Variants in LRBA observed in about 807,000 individuals in gnomAD.
LRBA encodes the protein LPS responsive beige-like anchor protein.
Under a neutral mutation model 330.0 loss-of-function variants are expected in LRBA, and 176 were observed. That is an observed-to-expected ratio of 0.53 (90% CI 0.47 to 0.60). The LOEUF is 0.60. LRBA is among the 20% of genes least tolerant of loss of function. LRBA has a pLI of 0.00. For synonymous variants in LRBA, 1,230 were observed against 1,193.0 expected (o/e 1.03, Z -0.64); for missense variants, 3,259 against 3,444.8 (o/e 0.95, Z 1.35).
chr4:150,848,986 T>A lies in LRBA; in HGVS notation c.4171A>T (p.Asn1391Tyr), dbSNP rs199910629. Residue 1391 changes from asparagine (N) to tyrosine (Y), a missense_variant, in exon 26 of 57, where the codon AAT (asparagine) becomes TAT (tyrosine). Asn to Tyr is a moderately radical substitution (Grantham distance 143). Transcript: ENST00000651943. The part of the protein sequence containing the change: ...AATSATHELE[N>Y]IEPTQGLSIE... ...GAAAGGCCTTGAGTAGGTTCAATATTTTCCAGTTCATGCTGTAAAGAATAA... is the reference window on the plus strand; with the variant it reads ...GAAAGGCCTTGAGTAGGTTCAATATATTCCAGTTCATGCTGTAAAGAATAA... 5.7e-5 allele frequency: 91 copies of A among 1,592,404 alleles called. No individual in the cohort carries two copies. The African/African-American group carries it at 1.2e-3, about 20-fold the overall frequency.
At chr4:150,349,713 A>G (rs1736882758) in intron 48 of LRBA, among the ~76,000 whole-genome samples, 1 of 152,100 alleles carries the variant, frequency 6.6e-6, no homozygotes, top group South Asian at 2.1e-4. Context: ...ATCATGAGTA[A>G]CCCCCAAAGT....
rs776321676 is a variant in LRBA at position 150,597,056 on chromosome 4, T to G, written c.6046+1951A>C. The G allele has an allele frequency of 2.5e-6, 3 of 1,187,502 alleles. No individual in the cohort carries two copies. The African/African-American group carries it at 4.7e-5, about 18-fold the overall frequency. 73.6% of individuals were successfully genotyped at this position (1,187,502 alleles called of 1,614,324 possible). ...TGGAGTATGACAATAATCATAAAAT[T>G]ACTATAAAATATTACTCAATGCTTA... On this transcript the variant is annotated intron_variant, in intron 38 of 56. Transcript: ENST00000651943.
chr4:150,841,603 G>A (rs1294866213), intron 28 of LRBA, among the ~76,000 whole-genome samples: 2 of 151,736 alleles, frequency 1.3e-5, no homozygotes, highest in African/African-American at 2.4e-5. Flanking sequence ...ATTTATTTAT[G>A]TCGTCGATCT....
chr4:150,796,547 T>C (rs1263411926), intron 34 of LRBA, among the ~76,000 whole-genome samples: 1 of 152,006 alleles, frequency 6.6e-6, no homozygotes, highest in Admixed American at 6.6e-5. Flanking sequence ...ATGATCTTCA[T>C]ATCCCATTTG....
intron 17 of LRBA, among the ~76,000 whole-genome samples, chr4:150,886,529 A>G (rs1728954439): frequency 6.6e-6 from 1 of 152,214 alleles, no homozygotes; most frequent in Non-Finnish European, 1.5e-5. Context: ...AATGAAGCAT[A>G]TGTATGTGAG....
Position 150,760,578 on chromosome 4 carries a change from C to T in LRBA, c.5645+1205G>A, listed in dbSNP as rs143845277. Among the ~76,000 whole-genome samples the T allele has an allele frequency of 2.9e-3, 442 of 151,346 alleles. 4 individuals are homozygous for T. Among genetic ancestry groups the T allele is most frequent in the African/African-American group, 9.9e-3 (407 of 40,996 alleles). ...CAACACACACACACACACACACACACGAATATCCTGTACACCTTCCCACAT... is the reference window on the plus strand; with the variant it reads ...CAACACACACACACACACACACACATGAATATCCTGTACACCTTCCCACAT... On this transcript the variant is annotated intron_variant, in intron 35 of 56. Transcript: ENST00000651943.
At chr4:150,963,285 GC>G (rs1738381766) in intron 2 of LRBA, among the ~76,000 whole-genome samples, 1 of 148,788 alleles carries the variant, frequency 6.7e-6, no homozygotes, top group Non-Finnish European at 1.5e-5. Flanking sequence ...CAGCCTCCCT[GC>G]CTGATTCTCC....
chr4:150,926,351 T>C (rs1306554127), intron 4 of LRBA, among the ~76,000 whole-genome samples: 1 of 152,146 alleles, frequency 6.6e-6, no homozygotes. Context: ...AGTTATTCAA[T>C]AGAGACCCTC....
At chr4:150,490,868 T>TA (rs1758835549) in intron 41 of LRBA, 50 bp downstream of exon 41, 1 of 1,069,114 alleles carries the variant, frequency 9.4e-7, no homozygotes, top group African/African-American at 1.6e-5. Context: ...AATGAAATCT[T>TA]AAAGAGATGG....
chr4:150,859,616 C>T (rs1364548834), intron 22 of LRBA, among the ~76,000 whole-genome samples: 4 of 152,144 alleles, frequency 2.6e-5, no homozygotes, highest in Non-Finnish European at 5.9e-5. Flanking sequence ...CTTATAAAAC[C>T]CAGTTCAGCT....
At chr4:150,853,466 A>G (rs895195364) in intron 22 of LRBA, among the ~76,000 whole-genome samples, 1 of 152,200 alleles carries the variant, frequency 6.6e-6, no homozygotes, top group Non-Finnish European at 1.5e-5. Flanking sequence ...TCTTTTAGCA[A>G]TGGGAGAAAA....
intron 2 of LRBA, among the ~76,000 whole-genome samples, chr4:150,994,491 T>C (rs1340247164): frequency 6.6e-6 from 1 of 152,094 alleles, no homozygotes; most frequent in Non-Finnish European, 1.5e-5. Flanking sequence ...GCCCTGGCAA[T>C]GAAACAGTAA....
intron 46 of LRBA, among the ~76,000 whole-genome samples, chr4:150,424,876 T>A (rs1749358249): frequency 6.6e-6 from 1 of 152,348 alleles, no homozygotes; most frequent in Non-Finnish European, 1.5e-5. Flanking sequence ...GTACTTAAAC[T>A]ATATTGCAGT....
chr4:150,702,769 T>C (rs539327802), intron 36 of LRBA, among the ~76,000 whole-genome samples: 19 of 152,288 alleles, frequency 1.2e-4, no homozygotes, highest in Non-Finnish European at 2.1e-4. Flanking sequence ...TAAACATGCT[T>C]TAACAAACCA....
intron 44 of LRBA, among the ~76,000 whole-genome samples, chr4:150,450,931 G>A (rs1392505309): frequency 1.3e-5 from 2 of 152,018 alleles, no homozygotes; most frequent in African/African-American, 4.8e-5. Flanking sequence ...CTCAAGAGGC[G>A]AGGCATGAGA....
At chr4:150,667,264 G>A (rs752874954) in intron 37 of LRBA, among the ~76,000 whole-genome samples, 28 of 152,182 alleles carry the variant, frequency 1.8e-4, no homozygotes, top group Non-Finnish European at 3.2e-4. Flanking sequence ...TAAGGATATA[G>A]ATATGAGGGC....
At chr4:150,656,648 G>T (rs974980562) in intron 37 of LRBA, among the ~76,000 whole-genome samples, 1 of 152,132 alleles carries the variant, frequency 6.6e-6, no homozygotes, top group Non-Finnish European at 1.5e-5. Context: ...TCCCTTGATT[G>T]CAGAAGTAGT....
intron 33 of LRBA, among the ~76,000 whole-genome samples, chr4:150,805,610 G>GGAAAGGAAAGGAAAA (rs1560843051): frequency 1.5e-4 from 17 of 115,208 alleles, no homozygotes; most frequent in African/African-American, 5.9e-4. Flanking sequence ...GGAAAAGAAA[G>GGAAAGGAAAGGAAAA]GAAAGGAAAG....
intron 34 of LRBA, among the ~76,000 whole-genome samples, chr4:150,781,184 T>G (rs1173560793): frequency 6.6e-6 from 1 of 152,214 alleles, no homozygotes; most frequent in Non-Finnish European, 1.5e-5. Context: ...CGGCCGTGCA[T>G]TTTATTTTTA....
Sources: gnomAD v4.1 joint callset for allele counts (sites outside exome capture counted in the v4.1 genomes callset) on GRCh38, gnomAD v4.1.1 for gene constraint, MANE v1.5 for transcripts, NCBI Gene and HGNC (gene_info 2026-07-23, HGNC 2026-07-21) for gene names.